ATRNL1: variants seen among roughly 807,000 people sequenced by gnomAD.
ATRNL1 encodes the protein attractin-like protein 1.
ATRNL1 carries 95 observed loss-of-function variants against 182.7 expected under a neutral mutation model. The observed-to-expected ratio is 0.52, with a 90% CI of 0.44 to 0.62. ATRNL1 has a LOEUF of 0.62. ATRNL1 is among the 20% of genes least tolerant of loss of function. ATRNL1 has a pLI of 0.00. For synonymous variants in ATRNL1, 576 were observed against 568.3 expected (o/e 1.01, Z -0.19); for missense variants, 1,471 against 1,679.5 (o/e 0.88, Z 2.17).
intron 27 of ATRNL1, among the ~76,000 whole-genome samples, chr10:115,755,873 C>G (rs1009325862): frequency 6.6e-6 from 1 of 152,044 alleles, no homozygotes; most frequent in Non-Finnish European, 1.5e-5. Flanking sequence ...TTCAGGGATT[C>G]GACTTCTTCC....
At chr10:115,416,388 A>G (rs1026340907) in intron 20 of ATRNL1, among the ~76,000 whole-genome samples, 55 of 152,308 alleles carry the variant, frequency 3.6e-4, no homozygotes, top group African/African-American at 1.3e-3. Flanking sequence ...ATTTTAATAC[A>G]TTCAAAATTA....
intron 27 of ATRNL1, among the ~76,000 whole-genome samples, chr10:115,827,162 G>C (rs1340481230): frequency 2.0e-5 from 3 of 152,198 alleles, no homozygotes; most frequent in African/African-American, 7.2e-5. Flanking sequence ...AGGTCTAGAA[G>C]ACAGTGTCCC....
intron 28 of ATRNL1, among the ~76,000 whole-genome samples, chr10:115,899,829 T>C (rs1448441388): frequency 6.6e-6 from 1 of 152,188 alleles, no homozygotes; most frequent in Non-Finnish European, 1.5e-5. Context: ...TCTACATGAC[T>C]GATGGTTAAA....
chr10:115,439,151 C>A (rs1472451798), intron 21 of ATRNL1, among the ~76,000 whole-genome samples: 1 of 151,670 alleles, frequency 6.6e-6, no homozygotes, highest in African/African-American at 2.4e-5. Flanking sequence ...GGAAATGGAT[C>A]GTCATAAAGG....
chr10:115,641,354 T>C (rs1555030336), intron 26 of ATRNL1, among the ~76,000 whole-genome samples: 1 of 152,188 alleles, frequency 6.6e-6, no homozygotes, highest in African/African-American at 2.4e-5. Context: ...GGAGCTACCA[T>C]TTACTTGTTT....
At chr10:115,413,973 A>G (rs1311046204) in intron 20 of ATRNL1, among the ~76,000 whole-genome samples, 1 of 152,098 alleles carries the variant, frequency 6.6e-6, no homozygotes, top group Non-Finnish European at 1.5e-5. Context: ...ATATACACAC[A>G]TATAAATATT....
In ATRNL1 at chr10:115,167,089, T is replaced by A. The variant is rs1847078646; in HGVS notation, c.1092+1444T>A. Among the ~76,000 whole-genome samples, 3 of 151,996 alleles carry A rather than the reference T, an allele frequency of 2.0e-5. No homozygotes were observed. In the South Asian group the frequency reaches 6.2e-4, roughly 31 times the overall value. ...GAGTTAATTGTGTCTGATGTAAGGG[T>A]CCATTTTCATTCCTTTGCACGTGGA... On this transcript the variant is annotated intron_variant, in intron 7 of 28. Transcript: ENST00000355044.
At position 115,750,391 on chromosome 10, in the gene ATRNL1, G is replaced by T. The variant is rs529398019; in HGVS notation, c.3903+23036G>T. Among the ~76,000 whole-genome samples, 12 of 151,966 alleles carry T rather than the reference G, an allele frequency of 7.9e-5. No individual in the cohort carries two copies. The South Asian group carries it at 2.1e-3, about 26-fold the overall frequency. On this transcript the variant is annotated intron_variant, in intron 27 of 28. Transcript: ENST00000355044. ...AGGAAAAAGATGGGCTTCTCAGCAA[G>T]TGGTATTGGGATAGATGAACAGCTA... is the stretch of plus-strand genomic sequence containing the variant.
At chr10:115,330,552 G>T (rs1293555472) in intron 18 of ATRNL1, among the ~76,000 whole-genome samples, 1 of 151,830 alleles carries the variant, frequency 6.6e-6, no homozygotes, top group Non-Finnish European at 1.5e-5. Context: ...GCTCTATACG[G>T]TATTCTTGGC....
rs1316370956 is a variant in ATRNL1, at chr10:115,946,424, T to C, written c.*1645T>C. The C allele has an allele frequency of 6.6e-6, 1 of 152,226 alleles. No individual in the cohort carries two copies. Among genetic ancestry groups the C allele is most frequent in the African/African-American group, 2.4e-5 (1 of 41,474 alleles). The allele number at this position is 152,226 out of a possible 1,614,324, so 9.4% of individuals were successfully genotyped here. A position where few individuals can be genotyped will look rare whatever the true frequency, so the allele number is the denominator to read the frequency against. ...GATCATACAATATGTAGTTGCATCT[T>C]ATATAAGATTTCTAGGTTGCATCTA... On this transcript the variant is annotated 3_prime_UTR_variant, in exon 29 of 29. Transcript: ENST00000355044.
intron 20 of ATRNL1, among the ~76,000 whole-genome samples, chr10:115,395,816 T>G (rs1592591120): frequency 6.6e-6 from 1 of 151,784 alleles, no homozygotes; most frequent in Non-Finnish European, 1.5e-5. Context: ...AAATTGTTTT[T>G]TATTCTTTTT....
At chr10:115,215,931 G>T (rs1216193520) in intron 9 of ATRNL1, 51 bp downstream of exon 9, 1 of 1,347,746 alleles carries the variant, frequency 7.4e-7, no homozygotes, top group South Asian at 1.7e-5. Flanking sequence ...TATTGTAAAT[G>T]ATTGACTTTA....
At chr10:115,448,852 A>G (rs563948359) in intron 21 of ATRNL1, among the ~76,000 whole-genome samples, 1 of 139,574 alleles carries the variant, frequency 7.2e-6, no homozygotes, top group Non-Finnish European at 1.5e-5. Context: ...ATAGCGTGCC[A>G]ACCAACAACA....
chr10:115,152,718 C>A lies in ATRNL1; in HGVS notation c.830-7322C>A, dbSNP rs1250601094. Reference sequence around the variant, plus strand: ...GAATACCCTCTATTTCTTTCTCCTGCCTGATTGCCCTGGCCAGAACTTCCA... The same window carrying A: ...GAATACCCTCTATTTCTTTCTCCTGACTGATTGCCCTGGCCAGAACTTCCA... On this transcript the variant is annotated intron_variant, in intron 5 of 28. Coordinates refer to ENST00000355044, the MANE Select transcript of ATRNL1 (RefSeq NM_207303.4). Among the ~76,000 whole-genome samples, 6 of 152,272 alleles carry A rather than the reference C, an allele frequency of 3.9e-5. No homozygotes were observed. The East Asian group carries it at 1.2e-3, about 29-fold the overall frequency.
intron 24 of ATRNL1, among the ~76,000 whole-genome samples, chr10:115,513,708 A>C (rs1850502608): frequency 6.6e-6 from 1 of 151,910 alleles, no homozygotes; most frequent in Non-Finnish European, 1.5e-5. Flanking sequence ...TCTTATTTTT[A>C]AAGTATATAC....
intron 26 of ATRNL1, among the ~76,000 whole-genome samples, chr10:115,639,943 G>C (rs2133854092): frequency 6.6e-6 from 1 of 152,162 alleles, no homozygotes; most frequent in East Asian, 1.9e-4. Flanking sequence ...CATGCATTAG[G>C]TATTTGTCCT....
intron 19 of ATRNL1, among the ~76,000 whole-genome samples, chr10:115,384,207 T>C (rs1006018996): frequency 1.3e-5 from 2 of 152,050 alleles, no homozygotes; most frequent in Non-Finnish European, 2.9e-5. Flanking sequence ...TTGTCATAAC[T>C]ATATGTATTT....
chr10:115,319,960 C>G (rs1854501831), intron 18 of ATRNL1, among the ~76,000 whole-genome samples: 1 of 151,316 alleles, frequency 6.6e-6, no homozygotes, highest in African/African-American at 2.4e-5. Context: ...ATTTTGCACA[C>G]TAGTTGATGC....
At chr10:115,426,873 C>T (rs1266635766) in intron 21 of ATRNL1, among the ~76,000 whole-genome samples, 3 of 152,048 alleles carry the variant, frequency 2.0e-5, no homozygotes, top group Admixed American at 2.0e-4. Flanking sequence ...TACATGTGCC[C>T]ACCACCACGC....
Sources: gnomAD v4.1 joint callset for allele counts (sites outside exome capture counted in the v4.1 genomes callset) on GRCh38, gnomAD v4.1.1 for gene constraint, MANE v1.5 for transcripts, NCBI Gene and HGNC (gene_info 2026-07-23, HGNC 2026-07-21) for gene names.